Variants in INTS6 observed in about 807,000 individuals in gnomAD.
The protein encoded by INTS6 is DEAD box protein.
INTS6 carries 16 observed loss-of-function variants against 104.9 expected under a neutral mutation model. The observed-to-expected ratio is 0.15, with a 90% CI of 0.10 to 0.23. INTS6 has a LOEUF of 0.23. Ranked by LOEUF, INTS6 falls within the 10% of genes least tolerant of loss-of-function variation. The probability of loss-of-function intolerance (pLI) is 1.00; values close to 1 mark genes in which losing one functional copy is unlikely to be tolerated. For synonymous variants in INTS6, 324 were observed against 358.7 expected, an observed-to-expected ratio of 0.90 and a Z score of 1.09; for missense variants, 584 against 1,062.8, an observed-to-expected ratio of 0.55 and a Z score of 6.26.
At chr13:51,335,877 A>C in the INTS6 span, 5 of 152,196 alleles carry the variant, frequency 3.3e-5, no homozygotes, top group South Asian at 1.0e-3. Context: ...CAGGTATGTA[A>C]ATTTAAAATG....
intron 4 of INTS6, among the ~76,000 whole-genome samples, chr13:51,420,934 G>C (rs528136175): frequency 6.6e-6 from 1 of 152,100 alleles, no homozygotes; most frequent in East Asian, 1.9e-4. Context: ...GCTTAGCAAG[G>C]TGGTTCTACT....
At chr13:51,373,189 A>G (rs1477590681) in intron 15 of INTS6, among the ~76,000 whole-genome samples, 1 of 147,972 alleles carries the variant, frequency 6.8e-6, no homozygotes, top group Non-Finnish European at 1.5e-5. Flanking sequence ...TTGATGTTCA[A>G]TTTTGGTGTT....
At chr13:51,350,517 T>C (rs1456920496), downstream of INTS6, among the ~76,000 whole-genome samples, 1 of 152,160 alleles carries the variant, frequency 6.6e-6, no homozygotes, top group African/African-American at 2.4e-5. Context: ...ATAATATATA[T>C]CTTCTTAAAA....
At position 51,374,796 on chromosome 13, in the gene INTS6, T is replaced by A. The variant is rs768745738; in HGVS notation, c.1730A>T (p.Asp577Val). The A allele has an allele frequency of 1.2e-6, 2 of 1,610,982 alleles. No individual in the cohort carries two copies. Among genetic ancestry groups the A allele is most frequent in the South Asian group, 1.1e-5 (1 of 90,210 alleles). The stretch of plus-strand genomic sequence containing the variant: ...TGCTATAGGAACACTGTGCACTTGA[T>A]CTTTCAAAAAGAATACAACAGCAAA... ...TRRFLKGQDE[D>V]QVHSVPIAQM... The change falls in exon 14 of 18, where the codon GAT becomes GTT. Residue 577 changes from aspartate to valine, a missense_variant and splice_region_variant. Coordinates refer to ENST00000311234, the MANE Select transcript of INTS6 (RefSeq NM_012141.3).
chr13:51,450,238 A>T lies in INTS6; in HGVS notation c.339+787T>A, dbSNP rs575048393. On this transcript the variant is annotated intron_variant, in intron 3 of 17. Transcript: ENST00000311234. Reference sequence around the variant, plus strand: ...CATGTAACATTATACATTGTTCAGTATCTTTTATTTCCAGGGCAATAATAT... The same window carrying T: ...CATGTAACATTATACATTGTTCAGTTTCTTTTATTTCCAGGGCAATAATAT... The T allele has an allele frequency of 2.5e-4, 245 of 984,510 alleles. 1 individual carries two copies. Among genetic ancestry groups the T allele is most frequent in the Non-Finnish European group, 2.6e-4 (219 of 829,184 alleles). 61.0% of individuals were successfully genotyped at this position (984,510 alleles called of 1,614,324 possible).
intron 4 of INTS6, among the ~76,000 whole-genome samples, chr13:51,422,021 T>A (rs1018676747): frequency 1.3e-5 from 2 of 151,974 alleles, no homozygotes; most frequent in African/African-American, 4.8e-5. Context: ...AAAAAAAAAA[T>A]TTAACTATCA....
chr13:51,401,234 C>T (rs948562749), intron 4 of INTS6, among the ~76,000 whole-genome samples: 4 of 151,954 alleles, frequency 2.6e-5, no homozygotes, highest in African/African-American at 9.7e-5. Flanking sequence ...TTCCTGAAAA[C>T]TATATATGCA....
the INTS6 span, among the ~76,000 whole-genome samples, chr13:51,345,218 C>A: frequency 6.6e-6 from 1 of 152,186 alleles, no homozygotes; most frequent in Non-Finnish European, 1.5e-5. Flanking sequence ...GAAGGCTCAG[C>A]CTCCTGCCCA....
chr13:51,342,311 A>C, the INTS6 span, among the ~76,000 whole-genome samples: 6 of 152,130 alleles, frequency 3.9e-5, no homozygotes, highest in Non-Finnish European at 5.9e-5. Context: ...AGGGCAGTAA[A>C]GCCCCACCAC....
intron 4 of INTS6, among the ~76,000 whole-genome samples, chr13:51,418,844 C>T (rs1460434644): frequency 1.3e-5 from 2 of 152,106 alleles, no homozygotes; most frequent in Non-Finnish European, 2.9e-5. Context: ...AGAAATTCAT[C>T]CATTTTATGT....
At chr13:51,432,359 C>T (rs1957106727) in intron 3 of INTS6, among the ~76,000 whole-genome samples, 1 of 151,974 alleles carries the variant, frequency 6.6e-6, no homozygotes, top group South Asian at 2.1e-4. Flanking sequence ...TTTAAATACA[C>T]ACCATCTTAC....
chr13:51,367,179 T>G (rs1955708870), intron 17 of INTS6, among the ~76,000 whole-genome samples: 1 of 151,804 alleles, frequency 6.6e-6, no homozygotes, highest in Admixed American at 6.6e-5. Context: ...ATAATACTAA[T>G]ACAGTGTAAA....
At position 51,364,500 on chromosome 13, in the gene INTS6, T is replaced by C. The variant is rs922893767; in HGVS notation, c.*1252A>G. On this transcript the variant is annotated 3_prime_UTR_variant, in exon 18 of 18. Coordinates refer to ENST00000311234, the MANE Select transcript of INTS6 (RefSeq NM_012141.3). ...CTATTTTGACCTTCTTTTCTACTGC[T>C]TACCCCCCAAACCACTAAAAGGCAC... 1 of 448,422 alleles carries C rather than the reference T, an allele frequency of 2.2e-6. No homozygotes were observed. The highest frequency in any genetic ancestry group is 3.9e-6 in the Non-Finnish European group (1 of 254,026). The allele number at this position is 448,422 out of a possible 1,614,324, so 27.8% of individuals were successfully genotyped here.
intron 3 of INTS6, chr13:51,439,917 T>C (rs1324083472): frequency 1.3e-5 from 2 of 152,168 alleles, no homozygotes; most frequent in Admixed American, 6.5e-5. Flanking sequence ...TGACCCTGTG[T>C]GCGCCTAGAA....
chr13:51,336,403 C>T, the INTS6 span, among the ~76,000 whole-genome samples: 1 of 152,132 alleles, frequency 6.6e-6, no homozygotes, highest in African/African-American at 2.4e-5. Context: ...AGGAGAATTG[C>T]TTGAACCCGG....
chr13:51,363,138 T>C lies in INTS6; in HGVS notation c.*2614A>G, dbSNP rs966113592. The C allele has an allele frequency of 2.0e-5, 3 of 151,934 alleles. No homozygotes were observed. Among genetic ancestry groups the C allele is most frequent in the African/African-American group, 7.2e-5 (3 of 41,398 alleles). The allele number at this position is 151,934 out of a possible 1,614,324, so 9.4% of individuals were successfully genotyped here. ...GCCAAAAGCCAATAGCCAATAAAGGTTGATAGGTAAAAGAGAGATTCTGAT... is the reference window on the plus strand; with the variant it reads ...GCCAAAAGCCAATAGCCAATAAAGGCTGATAGGTAAAAGAGAGATTCTGAT... On this transcript the variant is annotated 3_prime_UTR_variant, in exon 18 of 18. Coordinates refer to ENST00000311234, the MANE Select transcript of INTS6 (RefSeq NM_012141.3).
chr13:51,348,820 A>G, the INTS6 span, among the ~76,000 whole-genome samples: 1 of 152,396 alleles, frequency 6.6e-6, no homozygotes, highest in South Asian at 2.1e-4. Flanking sequence ...TTCCAAAACC[A>G]AAGAGATAAG....
chr13:51,428,087 CA>C (rs1593750909), intron 4 of INTS6, among the ~76,000 whole-genome samples: 3 of 152,150 alleles, frequency 2.0e-5, no homozygotes, highest in Non-Finnish European at 4.4e-5. Context: ...CCCCAAAGGG[CA>C]TTTCTACAAA....
intron 4 of INTS6, among the ~76,000 whole-genome samples, chr13:51,422,545 T>C (rs937422069): frequency 5.9e-5 from 9 of 152,214 alleles, no homozygotes; most frequent in African/African-American, 1.4e-4. Context: ...TCTGCCTTCC[T>C]GTCCAGCACT....
Sources: gnomAD v4.1 joint callset for allele counts (sites outside exome capture counted in the v4.1 genomes callset) on GRCh38, gnomAD v4.1.1 for gene constraint, MANE v1.5 for transcripts, NCBI Gene and HGNC (gene_info 2026-07-23, HGNC 2026-07-21) for gene names.